The following SENP2 variants were observed in gnomAD, a reference collection of about 807,000 sequenced individuals.
SENP2 encodes SUMO specific peptidase 2, also known as sentrin-specific protease 2.
Under a neutral mutation model 86.3 loss-of-function variants are expected in SENP2, and 16 were observed. The ratio of observed to expected loss-of-function variants is 0.19; its 90% CI spans 0.13 to 0.28. The LOEUF (loss-of-function observed/expected upper bound fraction) is 0.28, where lower values mean the gene tolerates loss of function less well. Among genes scored for constraint, SENP2 ranks in the 10% least tolerant of loss-of-function variants. The pLI is 1.00. For missense variants in SENP2, 552 were observed against 703.0 expected, an observed-to-expected ratio of 0.79 and a Z score of 2.43; for synonymous variants, 222 against 238.7, an observed-to-expected ratio of 0.93 and a Z score of 0.64.
At chr3:185,594,492 A>G (rs1283752722) in intron 2 of SENP2, among the ~76,000 whole-genome samples, 1 of 152,200 alleles carries the variant, frequency 6.6e-6, no homozygotes, top group Admixed American at 6.5e-5. Flanking sequence ...ACTTTAAGTT[A>G]GGTAACCATA....
At chr3:185,603,543 G>A (rs1395055577) in intron 5 of SENP2, among the ~76,000 whole-genome samples, 1 of 152,206 alleles carries the variant, frequency 6.6e-6, no homozygotes, top group Non-Finnish European at 1.5e-5. Flanking sequence ...TGCAATGTGA[G>A]ATCCTGGATT....
rs1354247456 is a variant in SENP2, at chr3:185,630,159, T to G, written c.*315T>G. 3.8e-6 allele frequency: 1 copy of G among 262,568 alleles called. No individual in the cohort carries two copies. Among genetic ancestry groups the G allele is most frequent in the African/African-American group, 2.1e-5 (1 of 47,258 alleles). 16.3% of individuals were successfully genotyped at this position (262,568 alleles called of 1,614,324 possible). A position where few individuals can be genotyped will look rare whatever the true frequency, so the allele number is the denominator to read the frequency against. The stretch of plus-strand genomic sequence containing the variant: ...TGTGGGAAATGCAGGATTTATTCTG[T>G]GAATTGTTTGTTTCTGTGTGTTTGT... On this transcript the variant is annotated 3_prime_UTR_variant, in exon 17 of 17. Transcript: ENST00000296257.
At chr3:185,592,868 T>G (rs1213230927) in intron 2 of SENP2, among the ~76,000 whole-genome samples, 2 of 152,188 alleles carry the variant, frequency 1.3e-5, no homozygotes, top group Non-Finnish European at 2.9e-5. Context: ...CCACCTGCCT[T>G]GGCCTCCCAA....
chr3:185,621,387 T>C (rs1268568925), intron 13 of SENP2, among the ~76,000 whole-genome samples: 3 of 61,632 alleles, frequency 4.9e-5, no homozygotes, highest in Non-Finnish European at 7.3e-5. Context: ...CTTTTTTTTC[T>C]TTTTTTTTTT....
At chr3:185,604,912 C>T (rs996305089) in intron 5 of SENP2, among the ~76,000 whole-genome samples, 5 of 151,460 alleles carry the variant, frequency 3.3e-5, no homozygotes, top group African/African-American at 7.3e-5. Flanking sequence ...TGCACCACCA[C>T]GCCCAGCTAA....
At chr3:185,592,232 C>T (rs1405409607) in intron 2 of SENP2, among the ~76,000 whole-genome samples, 1 of 151,600 alleles carries the variant, frequency 6.6e-6, no homozygotes, top group Non-Finnish European at 1.5e-5. Flanking sequence ...GCCCATACCA[C>T]CACACCTGGC....
intron 2 of SENP2, among the ~76,000 whole-genome samples, chr3:185,598,114 G>A (rs1722234459): frequency 6.6e-6 from 1 of 152,196 alleles, no homozygotes. Context: ...CTGGGCTCAG[G>A]TGATCCTCCC....
chr3:185,625,655 G>A (rs1299537267), intron 15 of SENP2, among the ~76,000 whole-genome samples: 6 of 152,170 alleles, frequency 3.9e-5, no homozygotes, highest in Middle Eastern at 3.4e-3. Flanking sequence ...TTTGCCTTAC[G>A]GCAGAACTGA....
chr3:185,595,479 T>C (rs1049768677), intron 2 of SENP2, among the ~76,000 whole-genome samples: 3 of 152,218 alleles, frequency 2.0e-5, no homozygotes, highest in Non-Finnish European at 4.4e-5. Flanking sequence ...GGATTGTGCT[T>C]TACCTGGCCA....
rs184478657 is a variant in SENP2, at chr3:185,629,235, T to G, written c.1708-547T>G. ...GCAGGACTGTGAAGTTGTACTATAC[T>G]GTATAATTCTACATCCTGCTTTGGT... On this transcript the variant is annotated intron_variant, in intron 16 of 16. Coordinates refer to ENST00000296257, the MANE Select transcript of SENP2 (RefSeq NM_021627.3). Among the ~76,000 whole-genome samples the G allele has an allele frequency of 1.5e-3, 230 of 152,316 alleles. 1 individual carries two copies. Among genetic ancestry groups the G allele is most frequent in the African/African-American group, 5.4e-3 (226 of 41,574 alleles).
At chr3:185,617,363 T>C (rs1271621785) in intron 11 of SENP2, 117 bp from the exon 12 acceptor site, 29 of 712,234 alleles carry the variant, frequency 4.1e-5, no homozygotes, top group Non-Finnish European at 6.3e-5. Context: ...GATAGTATAT[T>C]TTTCTCAAGA....
At chr3:185,590,593 G>A (rs1265291265) in intron 2 of SENP2, among the ~76,000 whole-genome samples, 14 of 148,884 alleles carry the variant, frequency 9.4e-5, no homozygotes, top group African/African-American at 3.2e-4. Context: ...CTGGCCCGAC[G>A]TGGTGGCTCA....
intron 5 of SENP2, among the ~76,000 whole-genome samples, chr3:185,601,598 G>T (rs1265469006): frequency 2.0e-5 from 3 of 148,412 alleles, no homozygotes; most frequent in Non-Finnish European, 3.0e-5. Context: ...CTTCTAGATT[G>T]ATCTAATTTT....
chr3:185,626,292 T>C lies in SENP2; in HGVS notation c.1612-6T>C. On this transcript the variant is annotated splice_region_variant and splice_polypyrimidine_tract_variant and intron_variant, in intron 15 of 16. Coordinates refer to ENST00000296257, the MANE Select transcript of SENP2 (RefSeq NM_021627.3). ...TTCCTCTCTTCTTTTTTCTTTGTAA[T>C]TTTAGGAGATTCCTCAACAGCTGAA... is the stretch of plus-strand genomic sequence containing the variant. The C allele has an allele frequency of 6.3e-7, 1 of 1,589,120 alleles. No homozygotes were observed. Among genetic ancestry groups the C allele is most frequent in the Non-Finnish European group, 8.6e-7 (1 of 1,160,962 alleles).
chr3:185,614,791 C>T (rs750493851), intron 11 of SENP2, 51 bp downstream of exon 11: 3 of 1,533,446 alleles, frequency 2.0e-6, no homozygotes, highest in Middle Eastern at 1.7e-4. Context: ...TAAATAACCT[C>T]AGTTATTCTA....
chr3:185,623,922 G>GA (rs1712015427), intron 14 of SENP2, 76 bp from the exon 15 acceptor site: 3 of 701,870 alleles, frequency 4.3e-6, no homozygotes, highest in Non-Finnish European at 6.9e-6. Context: ...TTTAACATCA[G>GA]AAAGCCCTAT....
intron 4 of SENP2, among the ~76,000 whole-genome samples, chr3:185,600,230 G>T (rs1722301011): frequency 6.6e-6 from 1 of 152,172 alleles, no homozygotes. Flanking sequence ...TGGTAGATTT[G>T]TGCCTGAGAT....
intron 6 of SENP2, chr3:185,606,869 G>A: frequency 4.8e-6 from 2 of 418,834 alleles, no homozygotes; most frequent in South Asian, 1.9e-5. Context: ...GAGTCAGACA[G>A]CTAAATTTAA....
Position 185,633,069 on chromosome 3 carries a change from A to C in SENP2, c.*3225A>C, listed in dbSNP as rs1277497781. The C allele has an allele frequency of 6.6e-6, 1 of 152,210 alleles. No individual in the cohort carries two copies. The highest frequency in any genetic ancestry group is 2.4e-5 in the African/African-American group (1 of 41,454). The allele number at this position is 152,210 out of a possible 1,614,324, so 9.4% of individuals were successfully genotyped here. ...TACCTCAGTTACCGAAGGCTATTAG[A>C]ACCTCTGAATTTTTCCTCCTCTGAA... is the stretch of plus-strand genomic sequence containing the variant. On this transcript the variant is annotated 3_prime_UTR_variant, in exon 17 of 17. Coordinates refer to ENST00000296257, the MANE Select transcript of SENP2 (RefSeq NM_021627.3).
Sources: gnomAD v4.1 joint callset for allele counts (sites outside exome capture counted in the v4.1 genomes callset) on GRCh38, gnomAD v4.1.1 for gene constraint, MANE v1.5 for transcripts, NCBI Gene and HGNC (gene_info 2026-07-23, HGNC 2026-07-21) for gene names.